Variants in HORMAD2 observed in about 807,000 individuals in gnomAD.
The protein encoded by HORMAD2 is HORMA domain-containing protein 2.
A neutral mutation model predicts 38.8 loss-of-function variants in HORMAD2; 45 were observed. The observed-to-expected ratio is 1.16, with a 90% CI of 0.91 to 1.49. The LOEUF (loss-of-function observed/expected upper bound fraction) is 1.49, where lower values mean the gene tolerates loss of function less well. Ranked by LOEUF, HORMAD2 falls within the 40% of genes most tolerant of loss-of-function variation. The pLI, the probability that HORMAD2 is intolerant of heterozygous loss-of-function variation, is 0.00. For synonymous variants in HORMAD2, 126 were observed against 122.8 expected, an observed-to-expected ratio of 1.03 and a Z score of -0.17; for missense variants, 338 against 367.0, an observed-to-expected ratio of 0.92 and a Z score of 0.65.
the HORMAD2 span, among the ~76,000 whole-genome samples, chr22:30,205,790 T>C: frequency 0.027 from 4,136 of 152,150 alleles, 87 homozygotes; most frequent in Non-Finnish European, 0.04. Context: ...CGCTGCCCGT[T>C]CTGTTTGGTC....
At chr22:30,152,965 G>A (rs955586797) in intron 10 of HORMAD2, among the ~76,000 whole-genome samples, 4 of 151,832 alleles carry the variant, frequency 2.6e-5, no homozygotes, top group Admixed American at 2.0e-4. Context: ...ACCTTCTTTC[G>A]GGCATTTGTG....
chr22:30,111,435 G>A (rs989329218), intron 5 of HORMAD2, among the ~76,000 whole-genome samples: 1 of 152,008 alleles, frequency 6.6e-6, no homozygotes, highest in Non-Finnish European at 1.5e-5. Flanking sequence ...GCAGTCAGCC[G>A]ATATCATGCC....
At chr22:30,172,749 G>C (rs5763842) in intron 10 of HORMAD2, among the ~76,000 whole-genome samples, 20 of 151,866 alleles carry the variant, frequency 1.3e-4, no homozygotes, top group African/African-American at 4.1e-4. Flanking sequence ...TTAGCTGGGC[G>C]TGGTGGCGGG....
chr22:30,154,182 G>A (rs948997392), intron 10 of HORMAD2, among the ~76,000 whole-genome samples: 2 of 151,724 alleles, frequency 1.3e-5, no homozygotes, highest in African/African-American at 4.8e-5. Flanking sequence ...ACTTACACAT[G>A]GACACATTTC....
intron 8 of HORMAD2, among the ~76,000 whole-genome samples, chr22:30,119,529 G>C (rs1223563703): frequency 1.3e-5 from 2 of 152,176 alleles, no homozygotes; most frequent in South Asian, 4.1e-4. Flanking sequence ...AAGCACTGCA[G>C]TTTCCTTATG....
chr22:30,152,912 T>C (rs1317275448), intron 10 of HORMAD2, among the ~76,000 whole-genome samples: 1 of 152,162 alleles, frequency 6.6e-6, no homozygotes. Context: ...ATGTGTTATC[T>C]TGAGCCCTGA....
intron 10 of HORMAD2, among the ~76,000 whole-genome samples, chr22:30,162,266 A>C (rs1004759906): frequency 6.6e-6 from 1 of 151,988 alleles, no homozygotes; most frequent in Non-Finnish European, 1.5e-5. Flanking sequence ...TAAGCCATGG[A>C]TGGCACCACT....
At chr22:30,174,528 G>T (rs1926314245) in intron 10 of HORMAD2, among the ~76,000 whole-genome samples, 1 of 152,040 alleles carries the variant, frequency 6.6e-6, no homozygotes, top group African/African-American at 2.4e-5. Context: ...AAGATATTTT[G>T]ACTTACTGCA....
At chr22:30,160,670 G>T (rs1188842713) in intron 10 of HORMAD2, among the ~76,000 whole-genome samples, 1 of 152,016 alleles carries the variant, frequency 6.6e-6, no homozygotes, top group East Asian at 1.9e-4. Context: ...CTTTTGAATT[G>T]CATATTATGT....
At chr22:30,094,346 C>G (rs186513348) in intron 2 of HORMAD2, among the ~76,000 whole-genome samples, 8 of 152,168 alleles carry the variant, frequency 5.3e-5, no homozygotes, top group Admixed American at 2.0e-4. Flanking sequence ...GTGTTGCACA[C>G]CATGGTGTAA....
intron 10 of HORMAD2, among the ~76,000 whole-genome samples, chr22:30,125,455 C>T (rs971846666): frequency 6.6e-5 from 10 of 151,278 alleles, no homozygotes; most frequent in Admixed American, 2.6e-4. Flanking sequence ...CTTGAACTCC[C>T]GACCTCAGGT....
chr22:30,124,314 T>C (rs879501337), intron 10 of HORMAD2, among the ~76,000 whole-genome samples: 3 of 151,948 alleles, frequency 2.0e-5, no homozygotes, highest in South Asian at 2.1e-4. Context: ...TGTATACATA[T>C]GTAGAATCTT....
chr22:30,157,031 A>G (rs1925121931), intron 10 of HORMAD2, among the ~76,000 whole-genome samples: 1 of 152,250 alleles, frequency 6.6e-6, no homozygotes, highest in Admixed American at 6.5e-5. Flanking sequence ...AAGCCAAAAT[A>G]TACCCAAACT....
intron 5 of HORMAD2, among the ~76,000 whole-genome samples, chr22:30,110,428 C>T (rs1237120036): frequency 6.8e-6 from 1 of 146,164 alleles, no homozygotes; most frequent in African/African-American, 2.6e-5. Flanking sequence ...CTCTGTCGCC[C>T]AGGCTGGAGT....
intron 10 of HORMAD2, among the ~76,000 whole-genome samples, chr22:30,136,068 A>T (rs73883372): frequency 0.078 from 11,854 of 152,256 alleles, 538 homozygotes; most frequent in African/African-American, 0.091. Flanking sequence ...TTACACACAA[A>T]AATGTATGCA....
the HORMAD2 span, among the ~76,000 whole-genome samples, chr22:30,189,763 G>A: frequency 6.6e-6 from 1 of 152,036 alleles, no homozygotes; most frequent in South Asian, 2.1e-4. Flanking sequence ...AGCTGTGAAC[G>A]TTTGGTTTTG....
At chr22:30,177,859 T>C (rs1374246650), downstream of HORMAD2, among the ~76,000 whole-genome samples, 1 of 152,142 alleles carries the variant, frequency 6.6e-6, no homozygotes, top group East Asian at 1.9e-4. Context: ...TTTGTGTCTT[T>C]TGTAGAGATG....
At position 30,102,853 on chromosome 22, in the gene HORMAD2, G is replaced by A. The variant is rs1036952036; in HGVS notation, c.194-584G>A. Among the ~76,000 whole-genome samples, 6 of 151,886 alleles carry A rather than the reference G, an allele frequency of 4.0e-5. No homozygotes were observed. In the East Asian group the frequency reaches 5.8e-4, roughly 15 times the overall value. On this transcript the variant is annotated intron_variant, in intron 3 of 10. Coordinates refer to ENST00000336726, the MANE Select transcript of HORMAD2 (RefSeq NM_152510.4). ...CTAGGTTGCCCAGGCTGGTTTCGAC[G>A]TCCTAGGCTCAAGCAATCCTTCTGC...
intron 10 of HORMAD2, among the ~76,000 whole-genome samples, chr22:30,161,374 T>G (rs1178418318): frequency 2.0e-5 from 3 of 152,224 alleles, no homozygotes; most frequent in African/African-American, 4.8e-5. Flanking sequence ...AGCAGGGTAT[T>G]GCATTTCCAA....
Sources: gnomAD v4.1 joint callset for allele counts (sites outside exome capture counted in the v4.1 genomes callset) on GRCh38, gnomAD v4.1.1 for gene constraint, MANE v1.5 for transcripts, NCBI Gene and HGNC (gene_info 2026-07-23, HGNC 2026-07-21) for gene names.